The following SCARA5 variants were observed in gnomAD, a reference collection of about 807,000 sequenced individuals.
The protein encoded by SCARA5 is scavenger receptor class A, member 5 (putative).
Under a neutral mutation model 46.3 loss-of-function variants are expected in SCARA5, and 45 were observed. The ratio of observed to expected loss-of-function variants is 0.97; its 90% confidence interval spans 0.76 to 1.24. SCARA5 has a LOEUF of 1.24. SCARA5 is among the 50% of genes most tolerant of loss of function. The pLI is 0.00. For missense variants in SCARA5, 680 were observed against 689.0 expected, an observed-to-expected ratio of 0.99 and a Z score of 0.15; for synonymous variants, 333 against 306.5, an observed-to-expected ratio of 1.09 and a Z score of -0.90.
At chr8:27,984,272 G>A (rs1215875702) in intron 2 of SCARA5, among the ~76,000 whole-genome samples, 1 of 152,176 alleles carries the variant, frequency 6.6e-6, no homozygotes, top group Non-Finnish European at 1.5e-5. Flanking sequence ...GAAAGGAAAA[G>A]GGGGAAAAAT....
chr8:27,891,559 C>A (rs1010294707), intron 7 of SCARA5, among the ~76,000 whole-genome samples: 1 of 152,186 alleles, frequency 6.6e-6, no homozygotes, highest in African/African-American at 2.4e-5. Context: ...TCTGGACCCC[C>A]TTAAAGTGCC....
At chr8:27,926,802 T>C (rs1487673459) in intron 3 of SCARA5, among the ~76,000 whole-genome samples, 1 of 152,108 alleles carries the variant, frequency 6.6e-6, no homozygotes, top group Non-Finnish European at 1.5e-5. Flanking sequence ...GTGCCAGATA[T>C]GCATTTAGAT....
chr8:27,928,688 CAG>C (rs1425978475), intron 3 of SCARA5, among the ~76,000 whole-genome samples: 1 of 151,930 alleles, frequency 6.6e-6, no homozygotes, highest in Non-Finnish European at 1.5e-5. Context: ...TTTATTGAGA[CAG>C]AGTTTTGCTT....
chr8:27,983,715 G>A (rs1462251858), intron 2 of SCARA5, among the ~76,000 whole-genome samples: 1 of 152,194 alleles, frequency 6.6e-6, no homozygotes, highest in Non-Finnish European at 1.5e-5. Context: ...GCACTCCACA[G>A]CACATGGGCC....
At chr8:27,961,247 C>A (rs929635482) in intron 3 of SCARA5, among the ~76,000 whole-genome samples, 19 of 152,164 alleles carry the variant, frequency 1.2e-4, no homozygotes, top group African/African-American at 4.3e-4. Context: ...GGGGTGGATA[C>A]CCTCATGAAT....
chr8:27,910,471 C>A (rs1807354932), intron 4 of SCARA5, among the ~76,000 whole-genome samples: 1 of 152,182 alleles, frequency 6.6e-6, no homozygotes, highest in Non-Finnish European at 1.5e-5. Context: ...GAAAGTGGGG[C>A]TCTTAGAGAC....
intron 4 of SCARA5, among the ~76,000 whole-genome samples, chr8:27,916,356 C>T (rs1044636904): frequency 7.2e-5 from 11 of 152,014 alleles, no homozygotes; most frequent in African/African-American, 1.9e-4. Context: ...TATGTATATA[C>T]ATGTGCATGT....
At chr8:27,922,363 T>TA (rs61455593) in intron 3 of SCARA5, 118 bp from the exon 4 acceptor site, 413,306 of 648,738 alleles carry the variant, frequency 0.64, 134,155 homozygotes, top group Middle Eastern at 0.76. Flanking sequence ...GATAGACGAA[T>TA]AAAATCACAG....
intron 1 of SCARA5, among the ~76,000 whole-genome samples, chr8:27,989,935 A>C (rs970809512): frequency 6.6e-6 from 1 of 152,258 alleles, no homozygotes; most frequent in African/African-American, 2.4e-5. Flanking sequence ...GCTGTGAAGC[A>C]GGAGGCCAAT....
chr8:27,877,908 T>C (rs1012703859), intron 8 of SCARA5, among the ~76,000 whole-genome samples: 1 of 152,184 alleles, frequency 6.6e-6, no homozygotes, highest in Admixed American at 6.5e-5. Flanking sequence ...CAGCCCCTTA[T>C]GGGGATGAAG....
At chr8:27,941,333 A>G (rs1807941339) in intron 3 of SCARA5, among the ~76,000 whole-genome samples, 1 of 152,218 alleles carries the variant, frequency 6.6e-6, no homozygotes, top group Admixed American at 6.5e-5. Flanking sequence ...CCTGGGTTTG[A>G]GTCCTGACCA....
intron 3 of SCARA5, among the ~76,000 whole-genome samples, chr8:27,939,901 C>T (rs1328847638): frequency 6.6e-6 from 1 of 152,172 alleles, no homozygotes; most frequent in Non-Finnish European, 1.5e-5. Context: ...CTTTCTACTC[C>T]ACCACAATCT....
intron 3 of SCARA5, among the ~76,000 whole-genome samples, chr8:27,925,643 G>T (rs369387708): frequency 1.3e-5 from 2 of 151,462 alleles, no homozygotes; most frequent in African/African-American, 4.8e-5. Flanking sequence ...AATGGGATCT[G>T]CTCAGGGTGA....
At chr8:27,978,183 CAT>C (rs1808557206) in intron 2 of SCARA5, among the ~76,000 whole-genome samples, 1 of 139,294 alleles carries the variant, frequency 7.2e-6, no homozygotes. Context: ...CCCACCACCA[CAT>C]CCGGCTAATT....
intron 7 of SCARA5, among the ~76,000 whole-genome samples, chr8:27,888,023 T>C (rs1001069056): frequency 2.0e-5 from 3 of 151,986 alleles, no homozygotes; most frequent in Non-Finnish European, 2.9e-5. Context: ...CATATAGACC[T>C]CAAATGAGGG....
intron 3 of SCARA5, among the ~76,000 whole-genome samples, chr8:27,942,944 T>G (rs374923173): frequency 3.5e-4 from 53 of 152,316 alleles, no homozygotes; most frequent in African/African-American, 1.3e-3. Flanking sequence ...CACCTCACCA[T>G]AGTTCTGCAA....
Position 27,943,215 on chromosome 8 carries a change from A to T in SCARA5, c.242-20970T>A, listed in dbSNP as rs150085210. ...TAGCCCTCTAAATATTTGAAGATGG[A>T]TCCCCTTTCCTTAAGGTTTCCTTTG... On this transcript the variant is annotated intron_variant, in intron 3 of 8. Coordinates refer to ENST00000354914, the MANE Select transcript of SCARA5 (RefSeq NM_173833.6). Among the ~76,000 whole-genome samples, 15 of 152,344 alleles carry T rather than the reference A, an allele frequency of 9.8e-5. No individual in the cohort carries two copies. The East Asian group carries it at 2.9e-3, about 29-fold the overall frequency.
chr8:27,931,682 TAC>T (rs1236300360), intron 3 of SCARA5, among the ~76,000 whole-genome samples: 3 of 152,152 alleles, frequency 2.0e-5, no homozygotes, highest in Non-Finnish European at 4.4e-5. Context: ...TTATTTATTT[TAC>T]ACAGAGTCTC....
intron 4 of SCARA5, chr8:27,910,061 G>A: frequency 4.1e-6 from 1 of 241,368 alleles, no homozygotes; most frequent in Non-Finnish European, 7.9e-6. Flanking sequence ...CAATGTGACA[G>A]TTTTAAGAGG....
Sources: allele counts gnomAD v4.1 joint callset (sites outside exome capture counted in the v4.1 genomes callset), GRCh38; gene constraint gnomAD v4.1.1; transcripts MANE v1.5; gene names NCBI Gene and HGNC (gene_info 2026-07-23, HGNC 2026-07-21).